The following NFIB variants were observed in gnomAD, a reference collection of about 807,000 sequenced individuals.
NFIB encodes nuclear factor I B.
NFIB carries 11 observed loss-of-function variants against 61.5 expected under a neutral mutation model. That is an observed-to-expected ratio of 0.18 (90% CI 0.11 to 0.30). The LOEUF is 0.30. NFIB is among the 10% of genes least tolerant of loss of function. The probability of loss-of-function intolerance (pLI) is 1.00; values close to 1 mark genes in which losing one functional copy is unlikely to be tolerated. For synonymous variants in NFIB, 260 were observed against 216.5 expected (o/e 1.20, Z -1.76); for missense variants, 471 against 608.9 (o/e 0.77, Z 2.38).
At chr9:14,113,744 A>G (rs2037721825) in intron 9 of NFIB, among the ~76,000 whole-genome samples, 1 of 152,220 alleles carries the variant, frequency 6.6e-6, no homozygotes, top group Non-Finnish European at 1.5e-5. Context: ...ATTACTTGTA[A>G]CTGATCCAGG....
At chr9:14,427,931 T>C in the NFIB span, among the ~76,000 whole-genome samples, 2 of 137,972 alleles carry the variant, frequency 1.4e-5, no homozygotes, top group East Asian at 2.1e-4. Context: ...ATTCTTTAAT[T>C]CAGTTGTTTT....
At chr9:14,265,871 A>AAG (rs1266071167) in intron 2 of NFIB, among the ~76,000 whole-genome samples, 1 of 152,198 alleles carries the variant, frequency 6.6e-6, no homozygotes, top group Admixed American at 6.5e-5. Context: ...TATGTTAGGG[A>AAG]AGTAGAAAGT....
At chr9:14,524,180 G>C in the NFIB span, among the ~76,000 whole-genome samples, 1 of 152,010 alleles carries the variant, frequency 6.6e-6, no homozygotes, top group Non-Finnish European at 1.5e-5. Context: ...CATCCTCTTG[G>C]GGCTTATAAT....
intron 1 of NFIB, among the ~76,000 whole-genome samples, chr9:14,336,137 T>C (rs527906285): frequency 1.3e-5 from 2 of 152,374 alleles, no homozygotes; most frequent in Non-Finnish European, 2.9e-5. Context: ...TTCAATATTA[T>C]CTTTGGATGA....
chr9:14,300,094 C>T, intron 2 of NFIB: 2 of 397,918 alleles, frequency 5.0e-6, no homozygotes, highest in Non-Finnish European at 8.9e-6. Flanking sequence ...TTCTCTATGC[C>T]AAATTCTAAC....
intron 6 of NFIB, among the ~76,000 whole-genome samples, chr9:14,138,352 C>T (rs984823613): frequency 1.3e-5 from 2 of 151,866 alleles, no homozygotes; most frequent in African/African-American, 4.8e-5. Context: ...ATAAATAACA[C>T]AGAAAAAGGA....
At chr9:14,126,432 T>C (rs2130894731) in intron 6 of NFIB, among the ~76,000 whole-genome samples, 1 of 152,330 alleles carries the variant, frequency 6.6e-6, no homozygotes, top group South Asian at 2.1e-4. Flanking sequence ...AGGGAAGTTT[T>C]GGCATTTGCT....
At chr9:14,321,279 G>C (rs1283794549) in intron 1 of NFIB, among the ~76,000 whole-genome samples, 1 of 152,014 alleles carries the variant, frequency 6.6e-6, no homozygotes, top group African/African-American at 2.4e-5. Flanking sequence ...AGCGGGGTTG[G>C]GGGGAAACTA....
intron 1 of NFIB, among the ~76,000 whole-genome samples, chr9:14,328,965 G>T (rs1198920396): frequency 6.6e-6 from 1 of 152,152 alleles, no homozygotes; most frequent in Admixed American, 6.5e-5. Flanking sequence ...TGGAAGGTGA[G>T]ACTTTTTGGG....
At chr9:14,347,986 G>A (rs1327872195) in intron 1 of NFIB, among the ~76,000 whole-genome samples, 1 of 152,182 alleles carries the variant, frequency 6.6e-6, no homozygotes, top group Non-Finnish European at 1.5e-5. Context: ...GGTCCTTGGC[G>A]GGGACGTTGG....
At position 14,082,251 on chromosome 9, in the gene NFIB, G is replaced by A. The variant is rs888372836; in HGVS notation, c.*6058C>T. On this transcript the variant is annotated 3_prime_UTR_variant, in exon 11 of 11. Coordinates refer to ENST00000380953, the MANE Select transcript of NFIB (RefSeq NM_001190737.2). ...TTAAAATACAAGGTTCTGTATTTATGGCCCATGAGGACAAAATGCCAAAAG... is the reference window on the plus strand; with the variant it reads ...TTAAAATACAAGGTTCTGTATTTATAGCCCATGAGGACAAAATGCCAAAAG... 1.5e-5 allele frequency: 3 copies of A among 204,208 alleles called. No homozygotes were observed. Among genetic ancestry groups the A allele is most frequent in the African/African-American group, 6.9e-5 (3 of 43,652 alleles). 12.6% of individuals were successfully genotyped at this position (204,208 alleles called of 1,614,324 possible). A position where few individuals can be genotyped will look rare whatever the true frequency, so the allele number is the denominator to read the frequency against.
the NFIB span, among the ~76,000 whole-genome samples, chr9:14,405,193 T>A: frequency 6.6e-6 from 1 of 152,200 alleles, no homozygotes; most frequent in South Asian, 2.1e-4. Flanking sequence ...AACCTTGAAG[T>A]CACATTTAAA....
At chr9:14,396,775 C>G (rs910487456) in intron 1 of NFIB, among the ~76,000 whole-genome samples, 47 of 152,144 alleles carry the variant, frequency 3.1e-4, no homozygotes, top group Non-Finnish European at 6.2e-4. Flanking sequence ...GGCAGTTTTG[C>G]TGAACTCCTA....
At chr9:14,267,062 T>C (rs531203998) in intron 2 of NFIB, among the ~76,000 whole-genome samples, 9 of 152,218 alleles carry the variant, frequency 5.9e-5, no homozygotes, top group Admixed American at 2.0e-4. Flanking sequence ...GAAAACTAGA[T>C]TGCATACACA....
intron 1 of NFIB, among the ~76,000 whole-genome samples, chr9:14,308,344 T>C (rs1442942939): frequency 7.5e-5 from 11 of 147,540 alleles, no homozygotes; most frequent in Non-Finnish European, 1.6e-4. Context: ...ACACACACAC[T>C]TGCACTCTCC....
At chr9:14,219,444 A>C (rs1313343232) in intron 2 of NFIB, among the ~76,000 whole-genome samples, 2 of 146,570 alleles carry the variant, frequency 1.4e-5, no homozygotes, top group African/African-American at 2.5e-5. Context: ...GATGTAATTT[A>C]GGGTTACAAT....
upstream of NFIB, among the ~76,000 whole-genome samples, chr9:14,314,791 C>CT (rs773956206): frequency 0.13 from 16,826 of 133,848 alleles, 1,201 homozygotes; most frequent in Non-Finnish European, 0.17. Context: ...AGAACCATGA[C>CT]TTTTTTTTTT....
chr9:14,242,312 A>C (rs1391971958), intron 2 of NFIB, among the ~76,000 whole-genome samples: 2 of 152,326 alleles, frequency 1.3e-5, no homozygotes, highest in East Asian at 3.9e-4. Flanking sequence ...TGAAAAGTCT[A>C]AAGTTTGGGC....
chr9:14,476,690 G>C, the NFIB span, among the ~76,000 whole-genome samples: 1 of 152,184 alleles, frequency 6.6e-6, no homozygotes, highest in East Asian at 1.9e-4. Context: ...GAGAAGTTAA[G>C]CTTTCAAATA....
Sources: allele counts gnomAD v4.1 joint callset (sites outside exome capture counted in the v4.1 genomes callset), GRCh38; gene constraint gnomAD v4.1.1; transcripts MANE v1.5; gene names NCBI Gene and HGNC (gene_info 2026-07-23, HGNC 2026-07-21).